Variants in FLRT2 observed in about 807,000 individuals in gnomAD.
FLRT2 encodes leucine-rich repeat transmembrane protein FLRT2.
In FLRT2, 15 loss-of-function variants were observed where a neutral mutation model predicts 40.0. The observed-to-expected ratio is 0.38, with a 90% CI of 0.25 to 0.58. The LOEUF (loss-of-function observed/expected upper bound fraction) is 0.58. FLRT2 is among the 20% of genes least tolerant of loss of function. The probability of loss-of-function intolerance (pLI) is 0.71; values close to 1 mark genes in which losing one functional copy is unlikely to be tolerated. For missense variants in FLRT2, 726 were observed against 840.0 expected, an observed-to-expected ratio of 0.86 and a Z score of 1.68; for synonymous variants, 380 against 336.8, an observed-to-expected ratio of 1.13 and a Z score of -1.41.
At chr14:85,586,854 G>A (rs940973200) in intron 1 of FLRT2, among the ~76,000 whole-genome samples, 1 of 152,172 alleles carries the variant, frequency 6.6e-6, no homozygotes, top group African/African-American at 2.4e-5. Context: ...CCTGTCATTT[G>A]TACAGTGGGG....
chr14:85,531,596 T>G (rs983173025), intron 1 of FLRT2, among the ~76,000 whole-genome samples: 2 of 152,134 alleles, frequency 1.3e-5, no homozygotes, highest in Non-Finnish European at 2.9e-5. Context: ...GTGGTGCTCC[T>G]GCCAGCGGCA....
At chr14:85,561,136 A>G (rs889224923) in intron 1 of FLRT2, 34 of 152,156 alleles carry the variant, frequency 2.2e-4, no homozygotes, top group African/African-American at 8.2e-4. Flanking sequence ...TCTGTACAAC[A>G]TGTTTGTGTT....
chr14:85,545,431 A>G (rs143107022), intron 1 of FLRT2, among the ~76,000 whole-genome samples: 5 of 152,174 alleles, frequency 3.3e-5, no homozygotes, highest in Admixed American at 6.5e-5. Context: ...AAAAGGGTAG[A>G]TGGACACTGG....
In FLRT2 at chr14:85,643,346, T is replaced by TCCTTCCTTCCTTC. The variant is rs1555373564; in HGVS notation, c.*19850_*19851insCTTCCTTCCTTCC. 1 of 58,362 alleles carries TCCTTCCTTCCTTC rather than the reference T, an allele frequency of 1.7e-5. No homozygotes were observed. The highest frequency in any genetic ancestry group is 5.6e-4 in the South Asian group (1 of 1,788). 3.6% of individuals were successfully genotyped at this position (58,362 alleles called of 1,614,324 possible). ...TTCTTTCTTTCTTTCTTTCTTTCTT[T>TCCTTCCTTCCTTC]CTTTCTTTCTTCCTTCCTTCCTTCC... On this transcript the variant is annotated 3_prime_UTR_variant, in exon 2 of 2. Transcript: ENST00000330753.
rs941739582 is a variant in FLRT2, at chr14:85,638,013, A to T, written c.*14516A>T. 4 of 152,206 alleles carry T rather than the reference A, an allele frequency of 2.6e-5. No individual in the cohort carries two copies. The highest frequency in any genetic ancestry group is 4.4e-5 in the Non-Finnish European group (3 of 68,044). 9.4% of individuals were successfully genotyped at this position (152,206 alleles called of 1,614,324 possible). On this transcript the variant is annotated 3_prime_UTR_variant, in exon 2 of 2. Transcript: ENST00000330753. Reference sequence around the variant, plus strand: ...CCAGGCATCACTACAAAATGTATACACATTACCTAGATTTTCAAGAAGTGA... The same window carrying T: ...CCAGGCATCACTACAAAATGTATACTCATTACCTAGATTTTCAAGAAGTGA...
intron 1 of FLRT2, among the ~76,000 whole-genome samples, chr14:85,619,149 G>A (rs1369124271): frequency 6.7e-6 from 1 of 149,670 alleles, no homozygotes; most frequent in African/African-American, 2.5e-5. Context: ...GACTGCAACA[G>A]CATGATCTTG....
chr14:85,598,916 GTT>G (rs11449675), intron 1 of FLRT2, among the ~76,000 whole-genome samples: 7 of 120,296 alleles, frequency 5.8e-5, no homozygotes, highest in East Asian at 2.6e-4. Flanking sequence ...AAATGGGATG[GTT>G]TTTTTTTTTT....
rs1006863728 is a variant in FLRT2 at position 85,636,661 on chromosome 14, A to G, written c.*13164A>G. On this transcript the variant is annotated 3_prime_UTR_variant, in exon 2 of 2. Transcript: ENST00000330753. ...CATTCTGGGCCGGGTGTGGTGGCTC[A>G]TGCCTGTAATCCCAGCACTTTTGGA... 6.6e-6 allele frequency: 1 copy of G among 152,216 alleles called. No individual in the cohort carries two copies. Among genetic ancestry groups the G allele is most frequent in the African/African-American group, 2.4e-5 (1 of 41,570 alleles). 9.4% of individuals were successfully genotyped at this position (152,216 alleles called of 1,614,324 possible). A position where few individuals can be genotyped will look rare whatever the true frequency, so the allele number is the denominator to read the frequency against.
At chr14:85,593,899 A>T (rs949723836) in intron 1 of FLRT2, among the ~76,000 whole-genome samples, 1 of 152,086 alleles carries the variant, frequency 6.6e-6, no homozygotes, top group Non-Finnish European at 1.5e-5. Flanking sequence ...AAAATTAGCC[A>T]GGTGTGGTGG....
At position 85,571,717 on chromosome 14, in the gene FLRT2, A is replaced by C. The variant is rs78961054; in HGVS notation, c.-377+41183A>C. 9.2e-3 allele frequency among the ~76,000 whole-genome samples: 1,399 copies of C among 152,260 alleles called. 21 individuals carry two copies. Among genetic ancestry groups the C allele is most frequent in the African/African-American group, 0.032 (1,328 of 41,538 alleles). ...TTTCCTGTGTATTTGATATCCAAAG[A>C]ACACAGTTAGGACCTTTTTCGCTCA... On this transcript the variant is annotated intron_variant, in intron 1 of 1. Transcript: ENST00000330753.
chr14:85,601,896 G>A (rs1486342930), intron 1 of FLRT2, among the ~76,000 whole-genome samples: 1 of 152,136 alleles, frequency 6.6e-6, no homozygotes, highest in Non-Finnish European at 1.5e-5. Context: ...TTTCCCTTGA[G>A]GTCACCGTGG....
At chr14:85,579,824 A>G (rs1303259869) in intron 1 of FLRT2, among the ~76,000 whole-genome samples, 5 of 152,144 alleles carry the variant, frequency 3.3e-5, no homozygotes, top group African/African-American at 9.7e-5. Flanking sequence ...CTGTCTTTAA[A>G]AGCGATGCCA....
At position 85,636,067 on chromosome 14, in the gene FLRT2, A is replaced by G. The variant is rs1594974816; in HGVS notation, c.*12570A>G. The G allele has an allele frequency of 6.6e-6, 1 of 152,088 alleles. No individual in the cohort carries two copies. The highest frequency in any genetic ancestry group is 1.9e-4 in the East Asian group (1 of 5,188). The allele number at this position is 152,088 out of a possible 1,614,324, so 9.4% of individuals were successfully genotyped here. A position where few individuals can be genotyped will look rare whatever the true frequency, so the allele number is the denominator to read the frequency against. On this transcript the variant is annotated 3_prime_UTR_variant, in exon 2 of 2. Transcript: ENST00000330753. ...TTGGGACTCAGATTAAGGTATCATT[A>G]CCTGTTCTTTCATAAGCTGTTATTT...
chr14:85,578,165 T>A (rs1254034739), intron 1 of FLRT2, among the ~76,000 whole-genome samples: 1 of 137,380 alleles, frequency 7.3e-6, no homozygotes, highest in Non-Finnish European at 1.6e-5. Flanking sequence ...AATATCTTTA[T>A]ATATAAAAAT....
chr14:85,611,065 T>G (rs1447724714), intron 1 of FLRT2, among the ~76,000 whole-genome samples: 1 of 152,102 alleles, frequency 6.6e-6, no homozygotes, highest in Non-Finnish European at 1.5e-5. Context: ...CCAGCTAGTT[T>G]TTGTATTTTT....
intron 1 of FLRT2, among the ~76,000 whole-genome samples, chr14:85,532,094 A>G (rs1888320511): frequency 6.6e-6 from 1 of 152,258 alleles, no homozygotes; most frequent in African/African-American, 2.4e-5. Flanking sequence ...TGAACTGAGG[A>G]CGAGTAGTGC....
In FLRT2 at chr14:85,641,772, A is replaced by G. The variant is rs1395243113; in HGVS notation, c.*18275A>G. On this transcript the variant is annotated 3_prime_UTR_variant, in exon 2 of 2. Coordinates refer to ENST00000330753, the MANE Select transcript of FLRT2 (RefSeq NM_013231.6). ...ACTTACCTAAGGGTATAAATTTGAT[A>G]TTGGTTACCTAAACTGTCTGAATTT... The G allele has an allele frequency of 1.3e-5, 2 of 152,184 alleles. No homozygotes were observed. The highest frequency in any genetic ancestry group is 2.9e-5 in the Non-Finnish European group (2 of 68,038). The allele number at this position is 152,184 out of a possible 1,614,324, so 9.4% of individuals were successfully genotyped here.
intron 1 of FLRT2, among the ~76,000 whole-genome samples, chr14:85,539,379 TAA>T (rs11348842): frequency 3.3e-5 from 5 of 151,798 alleles, no homozygotes; most frequent in Non-Finnish European, 7.4e-5. Context: ...GTTGGAACAG[TAA>T]AAAAAAATCA....
chr14:85,553,803 T>C (rs977827896), intron 1 of FLRT2, among the ~76,000 whole-genome samples: 3 of 152,178 alleles, frequency 2.0e-5, no homozygotes, highest in African/African-American at 7.2e-5. Flanking sequence ...CATTGTCACT[T>C]TGGGTAAGGA....
Sources: gnomAD v4.1 joint callset for allele counts (sites outside exome capture counted in the v4.1 genomes callset) on GRCh38, gnomAD v4.1.1 for gene constraint, MANE v1.5 for transcripts, NCBI Gene and HGNC (gene_info 2026-07-23, HGNC 2026-07-21) for gene names.